The following PACRG variants were observed in gnomAD, a reference collection of about 807,000 sequenced individuals.
The protein encoded by PACRG is parkin coregulated gene protein.
PACRG carries 29 observed loss-of-function variants against 29.7 expected under a neutral mutation model. The observed-to-expected ratio is 0.98, with a 90% CI of 0.73 to 1.33. The LOEUF is 1.33. Ranked by LOEUF, PACRG falls within the 40% of genes most tolerant of loss-of-function variation. The pLI, the probability that PACRG is intolerant of heterozygous loss-of-function variation, is 0.00. For synonymous variants in PACRG, 116 were observed against 118.7 expected, an observed-to-expected ratio of 0.98 and a Z score of 0.15; for missense variants, 279 against 316.2, an observed-to-expected ratio of 0.88 and a Z score of 0.89.
At chr6:163,030,264 G>A (rs530618360) in intron 2 of PACRG, among the ~76,000 whole-genome samples, 30 of 152,254 alleles carry the variant, frequency 2.0e-4, no homozygotes, top group African/African-American at 7.2e-4. Flanking sequence ...AGCATGGCCA[G>A]TCCACTTCTA....
rs534674502 is a variant in PACRG, at chr6:162,931,334, A to G, written c.291+117053A>G. On this transcript the variant is annotated intron_variant, in intron 2 of 4. Transcript: ENST00000366888. ...TATTTTTAAAATGTTTACGAGGTCC[A>G]GTTTTATCAATTTATTCTTTCATGG... is the stretch of plus-strand genomic sequence containing the variant. Among the ~76,000 whole-genome samples the G allele has an allele frequency of 1.1e-4, 17 of 151,954 alleles. No homozygotes were observed. In the East Asian group the frequency reaches 3.1e-3, roughly 28 times the overall value.
intron 4 of PACRG, among the ~76,000 whole-genome samples, chr6:163,120,317 A>G (rs1260928252): frequency 6.6e-6 from 1 of 152,184 alleles, no homozygotes; most frequent in East Asian, 1.9e-4. Flanking sequence ...CCTTGTTTCC[A>G]CTGCACATCT....
intron 4 of PACRG, among the ~76,000 whole-genome samples, chr6:163,296,016 C>G (rs1189633701): frequency 1.3e-5 from 2 of 152,158 alleles, no homozygotes; most frequent in South Asian, 2.1e-4. Flanking sequence ...GTTCTAAGCT[C>G]TATAACCCAG....
chr6:163,175,622 G>A (rs1159159902), intron 4 of PACRG, among the ~76,000 whole-genome samples: 1 of 152,056 alleles, frequency 6.6e-6, no homozygotes, highest in Non-Finnish European at 1.5e-5. Context: ...GGGGAGTGGG[G>A]AGGGACGGAA....
chr6:163,048,330 T>C (rs561903674), intron 2 of PACRG, among the ~76,000 whole-genome samples: 3 of 152,338 alleles, frequency 2.0e-5, no homozygotes, highest in East Asian at 3.9e-4. Flanking sequence ...AGCGTTTTTA[T>C]TTTTTAGTGA....
chr6:163,101,341 G>A, intron 4 of PACRG: 1 of 981,362 alleles, frequency 1.0e-6, no homozygotes, highest in Non-Finnish European at 1.2e-6. Flanking sequence ...CTGCATGCTA[G>A]TTGGATATTT....
At chr6:163,164,087 T>TA (rs199513082) in intron 4 of PACRG, among the ~76,000 whole-genome samples, 3,896 of 151,344 alleles carry the variant, frequency 0.026, 147 homozygotes, top group East Asian at 0.1. Context: ...GTTCCACATT[T>TA]AAAAAAAAAT....
chr6:163,054,827 C>A (rs569835646), intron 2 of PACRG, among the ~76,000 whole-genome samples: 1 of 152,126 alleles, frequency 6.6e-6, no homozygotes, highest in Non-Finnish European at 1.5e-5. Context: ...TGGTGTGAAC[C>A]TGTGTGGCTC....
In PACRG at chr6:163,152,504, A is replaced by C. The variant is rs75401402; in HGVS notation, c.613+63096A>C. Among the ~76,000 whole-genome samples, 875 of 152,332 alleles carry C rather than the reference A, an allele frequency of 5.7e-3. 11 individuals carry two copies. The highest frequency in any genetic ancestry group is 0.02 in the African/African-American group (833 of 41,570). Reference sequence around the variant, plus strand: ...TCTAGATCCCTCAGCAACATTTTAAAACCACCTGTTTCTATTTTGCCTTCA... The same window carrying C: ...TCTAGATCCCTCAGCAACATTTTAACACCACCTGTTTCTATTTTGCCTTCA... On this transcript the variant is annotated intron_variant, in intron 4 of 4. Coordinates refer to ENST00000366888, the MANE Select transcript of PACRG (RefSeq NM_001080379.2).
At position 163,055,840 on chromosome 6, in the gene PACRG, C is replaced by T. The variant is rs2128253523; in HGVS notation, c.292-6310C>T. Among the ~76,000 whole-genome samples, 1 of 152,322 alleles carries T rather than the reference C, an allele frequency of 6.6e-6. No homozygotes were observed. Among genetic ancestry groups the T allele is most frequent in the Non-Finnish European group, 1.5e-5 (1 of 68,036 alleles). On this transcript the variant is annotated intron_variant, in intron 2 of 4. Transcript: ENST00000366888. The surrounding 1 kb of genome is among the most constrained non-coding windows in gnomAD (Gnocchi z 4.0). ...AAACCCCATGCCCAATAAGCAGCCACTTCCCAGAATCCTTTCCCCCAGCTC... is the reference window on the plus strand; with the variant it reads ...AAACCCCATGCCCAATAAGCAGCCATTTCCCAGAATCCTTTCCCCCAGCTC...
intron 2 of PACRG, among the ~76,000 whole-genome samples, chr6:162,960,528 C>T (rs538281861): frequency 6.6e-6 from 1 of 152,312 alleles, no homozygotes; most frequent in South Asian, 2.1e-4. Flanking sequence ...ACTGCACATT[C>T]TCTTTTATAA....
At chr6:162,854,528 CATTATT>C (rs772805439) in intron 2 of PACRG, among the ~76,000 whole-genome samples, 3 of 152,144 alleles carry the variant, frequency 2.0e-5, no homozygotes, top group Non-Finnish European at 2.9e-5. Context: ...ACAGATCCTA[CATTATT>C]ATTATTATTT....
At chr6:162,909,305 C>T (rs954224806) in intron 2 of PACRG, among the ~76,000 whole-genome samples, 1 of 152,060 alleles carries the variant, frequency 6.6e-6, no homozygotes, top group African/African-American at 2.4e-5. Flanking sequence ...CCTGTAATCC[C>T]AGCACTTTGG....
chr6:163,158,603 G>T (rs745853683), intron 4 of PACRG, among the ~76,000 whole-genome samples: 3 of 152,128 alleles, frequency 2.0e-5, no homozygotes, highest in Non-Finnish European at 4.4e-5. Flanking sequence ...TTTCAAATTT[G>T]TGTTTTAAAT....
At chr6:162,947,609 ATCATATATAT>A (rs1231270361) in intron 2 of PACRG, among the ~76,000 whole-genome samples, 1 of 32,624 alleles carries the variant, frequency 3.1e-5, no homozygotes, top group African/African-American at 8.4e-5. Flanking sequence ...TATATATATA[ATCATATATAT>A]ATATATATAT....
At chr6:162,944,080 A>G (rs965733362) in intron 2 of PACRG, among the ~76,000 whole-genome samples, 1 of 152,050 alleles carries the variant, frequency 6.6e-6, no homozygotes. Context: ...AAGGATGGGT[A>G]TTCTTGGCCC....
At chr6:163,099,184 C>G (rs976848435) in intron 4 of PACRG, among the ~76,000 whole-genome samples, 8 of 152,282 alleles carry the variant, frequency 5.3e-5, no homozygotes, top group African/African-American at 1.7e-4. Context: ...CTCTGAGGTA[C>G]CCCAACAGGG....
intron 2 of PACRG, among the ~76,000 whole-genome samples, chr6:162,877,373 G>A (rs930830366): frequency 6.6e-6 from 1 of 152,144 alleles, no homozygotes; most frequent in African/African-American, 2.4e-5. Flanking sequence ...CTCAGAAGTG[G>A]GAGTTGAACA....
At chr6:162,727,780 C>G, upstream of PACRG, 2 of 1,158,104 alleles carry the variant, frequency 1.7e-6, no homozygotes, top group Non-Finnish European at 2.5e-6. Flanking sequence ...GGCCTCCCCG[C>G]CCCCGCGCCC....
Sources: allele counts gnomAD v4.1 joint callset (sites outside exome capture counted in the v4.1 genomes callset), GRCh38; gene constraint gnomAD v4.1.1; non-coding constraint Gnocchi (gnomAD v3.1); transcripts MANE v1.5; gene names NCBI Gene and HGNC (gene_info 2026-07-23, HGNC 2026-07-21).